TTC6: variants seen among roughly 807,000 people sequenced by gnomAD.
TTC6 encodes the protein tetratricopeptide repeat protein 6.
In TTC6, 172 loss-of-function variants were observed where a neutral mutation model predicts 210.4. The ratio of observed to expected loss-of-function variants is 0.82; its 90% confidence interval spans 0.72 to 0.93. The LOEUF (loss-of-function observed/expected upper bound fraction) is 0.93, where lower values mean the gene tolerates loss of function less well. Among genes scored for constraint, TTC6 ranks in the 40% least tolerant of loss-of-function variants. The pLI, the probability that TTC6 is intolerant of heterozygous loss-of-function variation, is 0.00. For missense variants in TTC6, 2,414 were observed against 2,318.1 expected (o/e 1.04, Z -0.85); for synonymous variants, 804 against 819.6 (o/e 0.98, Z 0.32).
chr14:37,625,839 G>T (rs1249888840), intron 1 of TTC6, among the ~76,000 whole-genome samples: 1 of 152,150 alleles, frequency 6.6e-6, no homozygotes, highest in African/African-American at 2.4e-5. Context: ...AGCACTTGGA[G>T]GTCCATAGTT....
At chr14:37,818,753 C>G (rs1476955903) in intron 26 of TTC6, among the ~76,000 whole-genome samples, 1 of 152,058 alleles carries the variant, frequency 6.6e-6, no homozygotes, top group Non-Finnish European at 1.5e-5. Context: ...TTTGTACAGA[C>G]AGCAAAACCC....
At position 37,751,310 on chromosome 14, in the gene TTC6, G is replaced by T. The variant is rs147129078; in HGVS notation, c.3129+85G>T. 18 of 983,674 alleles carry T rather than the reference G, an allele frequency of 1.8e-5. No individual in the cohort carries two copies. In the South Asian group the frequency reaches 3.0e-4, roughly 17 times the overall value. 60.9% of individuals were successfully genotyped at this position (983,674 alleles called of 1,614,324 possible). On this transcript the variant is annotated intron_variant, in intron 13 of 30. Coordinates refer to ENST00000553443, the Ensembl canonical transcript of TTC6. ...CAAATAGTACAGCAAGTTTTTGAAG[G>T]TCTTTTTGTATATATTATATAATCA...
chr14:37,692,070 A>G (rs950484163), intron 3 of TTC6, among the ~76,000 whole-genome samples: 8 of 151,910 alleles, frequency 5.3e-5, no homozygotes, highest in Non-Finnish European at 7.4e-5. Flanking sequence ...CTGGGACCCA[A>G]TGGCTTCACT....
intron 14 of TTC6, among the ~76,000 whole-genome samples, chr14:37,775,745 G>T (rs958666364): frequency 1.3e-4 from 20 of 152,066 alleles, no homozygotes; most frequent in African/African-American, 4.6e-4. Context: ...TTATCTTGTG[G>T]TTATCTAAGT....
intron 1 of TTC6, among the ~76,000 whole-genome samples, chr14:37,628,831 C>T (rs906436311): frequency 6.6e-6 from 1 of 152,148 alleles, no homozygotes; most frequent in African/African-American, 2.4e-5. Flanking sequence ...ATATGGCTAG[C>T]CAGTTTTCCC....
chr14:37,814,787 G>A (rs548916572), intron 25 of TTC6, among the ~76,000 whole-genome samples: 1 of 152,212 alleles, frequency 6.6e-6, no homozygotes, highest in African/African-American at 2.4e-5. Context: ...TGTGGGCAGG[G>A]GAAGAAGCAA....
At chr14:37,683,628 ATTAG>A (rs1485760835) in intron 3 of TTC6, among the ~76,000 whole-genome samples, 2 of 152,108 alleles carry the variant, frequency 1.3e-5, no homozygotes, top group African/African-American at 2.4e-5. Flanking sequence ...CTATTGTATT[ATTAG>A]TTATGGTTGT....
At chr14:37,796,901 T>A in exon 20 of TTC6, 2 of 1,607,718 alleles carry the variant, frequency 1.2e-6, no homozygotes, top group Non-Finnish European at 1.7e-6. Context: ...GAGATGACCA[T>A]GTGTGCTCTA....
intron 1 of TTC6, among the ~76,000 whole-genome samples, chr14:37,601,320 G>A (rs1167325097): frequency 6.6e-6 from 1 of 152,122 alleles, no homozygotes; most frequent in East Asian, 1.9e-4. Flanking sequence ...TACTGGTCTA[G>A]TAGCTCCTTG....
At chr14:37,680,218 A>G (rs1380069916) in exon 2 of TTC6, 1 of 1,534,326 alleles carries the variant, frequency 6.5e-7, no homozygotes, top group African/African-American at 1.4e-5. Context: ...CCTGAGATAC[A>G]AGCAGAGTAT....
At chr14:37,804,726 C>T in exon 21 of TTC6, 1 of 1,614,126 alleles carries the variant, frequency 6.2e-7, no homozygotes, top group Non-Finnish European at 8.5e-7. Context: ...ATTTCTCATT[C>T]TGATAAAGGA....
At chr14:37,712,196 C>T (rs968965670) in intron 5 of TTC6, among the ~76,000 whole-genome samples, 7 of 152,064 alleles carry the variant, frequency 4.6e-5, no homozygotes, top group Non-Finnish European at 8.8e-5. Context: ...GTTTATTTAG[C>T]GTGTTTTTGG....
chr14:37,809,289 G>T (rs1483121026), intron 24 of TTC6, among the ~76,000 whole-genome samples: 4 of 114,016 alleles, frequency 3.5e-5, no homozygotes, highest in Non-Finnish European at 6.6e-5. Flanking sequence ...GACTCACTCT[G>T]TTGCCCAGGC....
chr14:37,631,178 A>C (rs2095669291), intron 1 of TTC6, among the ~76,000 whole-genome samples: 1 of 151,872 alleles, frequency 6.6e-6, no homozygotes, highest in Non-Finnish European at 1.5e-5. Flanking sequence ...TATTTTGCCC[A>C]TTAGTTGATG....
At chr14:37,600,623 A>G (rs11627168) in intron 1 of TTC6, among the ~76,000 whole-genome samples, 4,541 of 152,332 alleles carry the variant, frequency 0.03, 86 homozygotes, top group Middle Eastern at 0.095. Context: ...TAAGAATCAT[A>G]TGCCATATCC....
chr14:37,768,949 A>T (rs934638667), intron 14 of TTC6, among the ~76,000 whole-genome samples: 1 of 151,708 alleles, frequency 6.6e-6, no homozygotes, highest in Non-Finnish European at 1.5e-5. Flanking sequence ...TGTCATAGAT[A>T]GCTCTTATTA....
intron 3 of TTC6, among the ~76,000 whole-genome samples, chr14:37,691,327 C>A (rs1363350301): frequency 6.6e-6 from 1 of 151,726 alleles, no homozygotes; most frequent in Non-Finnish European, 1.5e-5. Context: ...AATACTCTGT[C>A]AAACAAACAA....
At chr14:37,694,495 C>T (rs1269570426) in intron 3 of TTC6, among the ~76,000 whole-genome samples, 1 of 152,078 alleles carries the variant, frequency 6.6e-6, no homozygotes, top group Non-Finnish European at 1.5e-5. Flanking sequence ...ATTAGTACAA[C>T]CACTATGGCG....
intron 3 of TTC6, among the ~76,000 whole-genome samples, chr14:37,683,907 C>T (rs1229410597): frequency 6.6e-6 from 1 of 152,052 alleles, no homozygotes; most frequent in East Asian, 1.9e-4. Flanking sequence ...TGAACCACAG[C>T]ATATCATCTT....
Sources: gnomAD v4.1 joint callset for allele counts (sites outside exome capture counted in the v4.1 genomes callset) on GRCh38, gnomAD v4.1.1 for gene constraint, MANE v1.5 for transcripts, NCBI Gene and HGNC (gene_info 2026-07-23, HGNC 2026-07-21) for gene names.